SHROOM2: variants seen among roughly 807,000 people sequenced by gnomAD.
SHROOM2 encodes the protein protein Shroom2.
Under a neutral mutation model 75.9 loss-of-function variants are expected in SHROOM2, and 33 were observed. The observed-to-expected ratio is 0.43, with a 90% CI of 0.33 to 0.58. The LOEUF (loss-of-function observed/expected upper bound fraction) is 0.58. Among genes scored for constraint, SHROOM2 ranks in the 20% least tolerant of loss-of-function variants. The pLI, the probability that SHROOM2 is intolerant of heterozygous loss-of-function variation, is 0.04. For missense variants in SHROOM2, 1,434 were observed against 1,461.2 expected (o/e 0.98, Z 0.30); for synonymous variants, 655 against 663.6 (o/e 0.99, Z 0.20).
At chrX:9,792,863 C>T (rs1054298406) in intron 1 of SHROOM2, among the ~76,000 whole-genome samples, 13 of 109,936 alleles carry the variant, frequency 1.2e-4, no homozygotes, top group Admixed American at 5.8e-4. Context: ...GCGCACACCA[C>T]CACGCCCTGC....
At chrX:9,903,053 C>T (rs1223683214) in intron 5 of SHROOM2, among the ~76,000 whole-genome samples, 3 of 112,239 alleles carry the variant, frequency 2.7e-5, no homozygotes, top group Non-Finnish European at 5.6e-5. Context: ...TATAAACAAG[C>T]TAAATGAACC....
At chrX:9,920,172 T>C (rs1441602894) in intron 5 of SHROOM2, among the ~76,000 whole-genome samples, 1 of 110,976 alleles carries the variant, frequency 9.0e-6, no homozygotes, top group Non-Finnish European at 1.9e-5. Flanking sequence ...TCACTACAGC[T>C]CCTCAGACAG....
intron 1 of SHROOM2, among the ~76,000 whole-genome samples, chrX:9,866,630 T>C (rs1406832760): frequency 9.0e-6 from 1 of 111,162 alleles, no homozygotes; most frequent in Non-Finnish European, 1.9e-5. Flanking sequence ...ATCAGGGTCG[T>C]TGTCCTTGTC....
intron 6 of SHROOM2, among the ~76,000 whole-genome samples, chrX:9,936,626 G>C (rs2084710255): frequency 1.8e-5 from 2 of 110,960 alleles, no homozygotes; most frequent in Non-Finnish European, 3.8e-5. Context: ...GGGGGCTTTG[G>C]CCTGACTCCA....
chrX:9,821,203 T>C (rs970584329), intron 1 of SHROOM2, among the ~76,000 whole-genome samples: 1 of 112,157 alleles, frequency 8.9e-6, no homozygotes, highest in African/African-American at 3.2e-5. Context: ...TCTACAGAGA[T>C]GTGGCCTGTC....
intron 1 of SHROOM2, among the ~76,000 whole-genome samples, chrX:9,807,774 C>G (rs2083762914): frequency 8.9e-6 from 1 of 112,305 alleles, no homozygotes; most frequent in African/African-American, 3.2e-5. Context: ...CTAAAGGGAG[C>G]CCTTCTGTGA....
At chrX:9,900,910 G>A (rs948944471) in intron 5 of SHROOM2, among the ~76,000 whole-genome samples, 4 of 109,039 alleles carry the variant, frequency 3.7e-5, no homozygotes, top group African/African-American at 1.0e-4. Context: ...ATCATAGCCA[G>A]CTGGAGCCTG....
chrX:9,849,349 C>T, intron 1 of SHROOM2, among the ~76,000 whole-genome samples: 1 of 112,007 alleles, frequency 8.9e-6, no homozygotes. Flanking sequence ...ACATTCTGCC[C>T]TCCTTCCCCA....
intron 1 of SHROOM2, among the ~76,000 whole-genome samples, chrX:9,842,864 T>A (rs1733375497): frequency 1.8e-5 from 2 of 111,119 alleles, no homozygotes; most frequent in African/African-American, 6.6e-5. Flanking sequence ...GTGGGGTCTG[T>A]CTTAGGGAGA....
intron 1 of SHROOM2, among the ~76,000 whole-genome samples, chrX:9,831,938 C>G (rs1208841914): frequency 9.0e-6 from 1 of 111,032 alleles, no homozygotes; most frequent in African/African-American, 3.3e-5. Flanking sequence ...ATCAGGATTT[C>G]AACATATGGA....
intron 7 of SHROOM2, among the ~76,000 whole-genome samples, chrX:9,938,813 G>A (rs977470268): frequency 9.0e-6 from 1 of 110,857 alleles, no homozygotes; most frequent in African/African-American, 3.3e-5. Flanking sequence ...GCGCCGACAG[G>A]GCTGCTGGGA....
chrX:9,851,606 G>A (rs111751764), intron 1 of SHROOM2, among the ~76,000 whole-genome samples: 99 of 106,537 alleles, frequency 9.3e-4, no homozygotes, highest in Admixed American at 4.6e-3. Flanking sequence ...ACAGGTGTGC[G>A]CCACCACACC....
At chrX:9,934,990 C>G (rs1379460031) in intron 6 of SHROOM2, among the ~76,000 whole-genome samples, 1 of 111,073 alleles carries the variant, frequency 9.0e-6, no homozygotes, top group African/African-American at 3.3e-5. Flanking sequence ...CCAGGCTGGT[C>G]TCAAACTCCT....
chrX:9,804,155 G>T (rs1187470065), intron 1 of SHROOM2, among the ~76,000 whole-genome samples: 1 of 111,469 alleles, frequency 9.0e-6, no homozygotes, highest in African/African-American at 3.3e-5. Context: ...CAACTCCCCA[G>T]TGGATGAGGT....
rs1215098245 is a variant in SHROOM2 at position 9,822,982 on chromosome X, ATAATTCTTCTTC to A, written c.165+36274_165+36285del. ...AAACTCAATTTTGAGAATAAGAATA[ATAATTCTTCTTC>A]TTCTTCTTCTTCTTCTTCTTCTCCT... On this transcript the variant is annotated intron_variant, in intron 1 of 9. Transcript: ENST00000380913. 8.8e-5 allele frequency among the ~76,000 whole-genome samples: 8 copies of A among 90,879 alleles called. No homozygotes were observed. The South Asian group carries it at 1.4e-3, about 16-fold the overall frequency. 78.9% of individuals were successfully genotyped at this position (90,879 alleles called of 115,157 possible). A position where few individuals can be genotyped will look rare whatever the true frequency, so the allele number is the denominator to read the frequency against.
Position 9,948,352 on chromosome X carries a change from A to T in SHROOM2, c.*1415A>T, listed in dbSNP as rs1414154962. On this transcript the variant is annotated 3_prime_UTR_variant, in exon 10 of 10. Transcript: ENST00000380913. ...AAAAATGTTTAATTAAATGCATGTT[A>T]ATGGTGAGTGAATCCCTTGGGTGAC... is the stretch of plus-strand genomic sequence containing the variant. The T allele has an allele frequency of 8.9e-6, 1 of 112,925 alleles. No homozygotes were observed. The highest frequency in any genetic ancestry group is 1.9e-5 in the Non-Finnish European group (1 of 53,415). The allele number at this position is 112,925 out of a possible 1,213,427, so 9.3% of individuals were successfully genotyped here.
At chrX:9,922,902 G>C (rs140426958) in intron 5 of SHROOM2, among the ~76,000 whole-genome samples, 1 of 111,675 alleles carries the variant, frequency 9.0e-6, no homozygotes, top group East Asian at 2.8e-4. Context: ...GGACGTGTGT[G>C]TGTTCCAATA....
Position 9,894,911 on chromosome X carries a change from G to A in SHROOM2, c.1003G>A (p.Ala335Thr). The change falls in exon 4 of 10, where the codon GCC becomes ACC. Residue 335 changes from alanine to threonine, a missense_variant. By Grantham distance (58) the Ala-to-Thr change is moderately conservative. Coordinates refer to ENST00000380913, the MANE Select transcript of SHROOM2 (RefSeq NM_001649.4). ...SFAATKSHEK[A>T]QGPVFSEAAA... ...TGCTGCCACCAAGAGCCACGAGAAG[G>A]CCCAGGGCCCTGTGTTCTCAGAGGC... is the stretch of plus-strand genomic sequence containing the variant. 1.7e-6 allele frequency: 2 copies of A among 1,211,101 alleles called. No homozygotes were observed. The highest frequency in any genetic ancestry group is 2.2e-6 in the Non-Finnish European group (2 of 895,279).
intron 1 of SHROOM2, among the ~76,000 whole-genome samples, chrX:9,792,073 A>G (rs1446363278): frequency 2.0e-4 from 2 of 9,883 alleles, no homozygotes; most frequent in African/African-American, 2.9e-4. Context: ...ATAGAATAGA[A>G]TAGAATAGAA....
Sources: gnomAD v4.1 joint callset for allele counts (sites outside exome capture counted in the v4.1 genomes callset) on GRCh38, gnomAD v4.1.1 for gene constraint, MANE v1.5 for transcripts, NCBI Gene and HGNC (gene_info 2026-07-23, HGNC 2026-07-21) for gene names.